The following FAR2 variants were observed in gnomAD, a reference collection of about 807,000 sequenced individuals.
FAR2 encodes fatty acyl-CoA reductase 2.
Under a neutral mutation model 56.0 loss-of-function variants are expected in FAR2, and 19 were observed. The ratio of observed to expected loss-of-function variants is 0.34; its 90% CI spans 0.24 to 0.50. FAR2 has a LOEUF of 0.50. Ranked by LOEUF, FAR2 falls within the 20% of genes least tolerant of loss-of-function variation. The pLI is 0.98. For missense variants in FAR2, 508 were observed against 642.2 expected (o/e 0.79, Z 2.26); for synonymous variants, 219 against 218.8 (o/e 1.00, Z -0.01).
At chr12:29,201,676 T>A (rs1473148551) in intron 1 of FAR2, among the ~76,000 whole-genome samples, 1 of 152,282 alleles carries the variant, frequency 6.6e-6, no homozygotes, top group Non-Finnish European at 1.5e-5. Flanking sequence ...ATGACTTTGC[T>A]ATACCTGGGT....
At chr12:29,300,685 G>A (rs1473730934) in intron 4 of FAR2, among the ~76,000 whole-genome samples, 7 of 152,032 alleles carry the variant, frequency 4.6e-5, no homozygotes, top group Admixed American at 2.6e-4. Context: ...GGGTCTAGTG[G>A]CTGCCATTGC....
chr12:29,265,289 A>G (rs1948495492), intron 1 of FAR2, among the ~76,000 whole-genome samples: 2 of 152,228 alleles, frequency 1.3e-5, no homozygotes, highest in African/African-American at 4.8e-5. Flanking sequence ...CTACAGAACT[A>G]CTGTAAGCAA....
chr12:29,228,746 C>G (rs749488576), intron 1 of FAR2, among the ~76,000 whole-genome samples: 2 of 152,162 alleles, frequency 1.3e-5, no homozygotes, highest in African/African-American at 2.4e-5. Flanking sequence ...CGCCACCATG[C>G]CTGGCTAATT....
chr12:29,192,306 A>G lies in FAR2; in HGVS notation c.-39+42899A>G, dbSNP rs1046404043. ...ACATTTTATGATTTTGCAAATGTGAATATTCTGAGTAAATGTGAACAATTG... is the reference window on the plus strand; with the variant it reads ...ACATTTTATGATTTTGCAAATGTGAGTATTCTGAGTAAATGTGAACAATTG... On this transcript the variant is annotated intron_variant, in intron 1 of 11. Coordinates refer to ENST00000536681, the MANE Select transcript of FAR2 (RefSeq NM_001271783.2). Among the ~76,000 whole-genome samples, 5 of 152,334 alleles carry G rather than the reference A, an allele frequency of 3.3e-5. No individual in the cohort carries two copies. The South Asian group carries it at 6.2e-4, about 19-fold the overall frequency.
chr12:29,260,005 AAGT>A (rs1199074209), intron 1 of FAR2, among the ~76,000 whole-genome samples: 7 of 152,158 alleles, frequency 4.6e-5, no homozygotes, highest in African/African-American at 1.7e-4. Flanking sequence ...AGCTGTTGTA[AAGT>A]AGAAGGGGGA....
intron 1 of FAR2, among the ~76,000 whole-genome samples, chr12:29,203,785 G>T (rs988056100): frequency 6.6e-6 from 1 of 151,872 alleles, no homozygotes; most frequent in African/African-American, 2.4e-5. Context: ...GGATCACGAG[G>T]TCAGGAGATC....
At chr12:29,323,617 G>C (rs1949591205) in intron 10 of FAR2, among the ~76,000 whole-genome samples, 1 of 152,206 alleles carries the variant, frequency 6.6e-6, no homozygotes, top group African/African-American at 2.4e-5. Context: ...AGCCACCGCT[G>C]CTGATACCCA....
intron 1 of FAR2, among the ~76,000 whole-genome samples, chr12:29,178,428 T>C (rs1949960319): frequency 6.6e-6 from 1 of 152,124 alleles, no homozygotes; most frequent in Non-Finnish European, 1.5e-5. Flanking sequence ...GCCCCATCTC[T>C]ACAAGAAAAT....
intron 3 of FAR2, among the ~76,000 whole-genome samples, chr12:29,294,116 C>T (rs1444667638): frequency 6.6e-6 from 1 of 152,102 alleles, no homozygotes; most frequent in Non-Finnish European, 1.5e-5. Flanking sequence ...TTTTTACAGT[C>T]ACAAAATAAT....
intron 1 of FAR2, among the ~76,000 whole-genome samples, chr12:29,263,877 A>T (rs920126772): frequency 4.6e-5 from 7 of 151,982 alleles, no homozygotes; most frequent in African/African-American, 1.7e-4. Context: ...TTTACCAGAC[A>T]TCTAAAGAAG....
chr12:29,326,774 T>C (rs1591974510), intron 10 of FAR2, among the ~76,000 whole-genome samples: 2 of 152,068 alleles, frequency 1.3e-5, no homozygotes, highest in Admixed American at 1.3e-4. Flanking sequence ...GAGCTATCTA[T>C]GAAAAACCCA....
At chr12:29,176,247 TA>T (rs1253819093) in intron 1 of FAR2, among the ~76,000 whole-genome samples, 5 of 152,248 alleles carry the variant, frequency 3.3e-5, no homozygotes, top group Admixed American at 3.3e-4. Flanking sequence ...ATAAGATATT[TA>T]TTTTTCAGTA....
intron 10 of FAR2, among the ~76,000 whole-genome samples, chr12:29,329,998 C>T (rs955217364): frequency 2.7e-5 from 4 of 150,280 alleles, no homozygotes; most frequent in Admixed American, 2.0e-4. Flanking sequence ...TCATAGGACT[C>T]GTTGTTCAAA....
chr12:29,195,830 G>A (rs572872868), intron 1 of FAR2, among the ~76,000 whole-genome samples: 34 of 152,084 alleles, frequency 2.2e-4, no homozygotes, highest in African/African-American at 7.0e-4. Context: ...CATTTTATCC[G>A]TTAAGTAATT....
chr12:29,216,497 A>G (rs1275322618), intron 1 of FAR2, among the ~76,000 whole-genome samples: 1 of 152,166 alleles, frequency 6.6e-6, no homozygotes, highest in African/African-American at 2.4e-5. Context: ...GCAATGAGAT[A>G]AGGATCTATG....
intron 1 of FAR2, among the ~76,000 whole-genome samples, chr12:29,227,904 T>C (rs1301213739): frequency 1.3e-5 from 2 of 152,118 alleles, no homozygotes; most frequent in Admixed American, 1.3e-4. Context: ...GGCTTCCATT[T>C]TTCTCCTTTT....
intron 2 of FAR2, among the ~76,000 whole-genome samples, chr12:29,290,513 A>G (rs540527980): frequency 2.0e-5 from 3 of 152,290 alleles, no homozygotes; most frequent in African/African-American, 7.2e-5. Flanking sequence ...ATACCCAACA[A>G]AAAGGAAATC....
chr12:29,271,650 T>C (rs1948620216), intron 2 of FAR2, among the ~76,000 whole-genome samples: 1 of 152,190 alleles, frequency 6.6e-6, no homozygotes, highest in South Asian at 2.1e-4. Context: ...TGCAACAGAA[T>C]ACGATTTTGT....
chr12:29,328,952 A>G (rs947449535), intron 10 of FAR2, among the ~76,000 whole-genome samples: 4 of 152,136 alleles, frequency 2.6e-5, no homozygotes, highest in African/African-American at 9.7e-5. Context: ...CTTGCTTGCC[A>G]GCTAAGGGTT....
Sources: gnomAD v4.1 joint callset for allele counts (sites outside exome capture counted in the v4.1 genomes callset) on GRCh38, gnomAD v4.1.1 for gene constraint, MANE v1.5 for transcripts, NCBI Gene and HGNC (gene_info 2026-07-23, HGNC 2026-07-21) for gene names.